ACSF3: variants seen among roughly 807,000 people sequenced by gnomAD.
ACSF3 encodes malonate--CoA ligase ACSF3, mitochondrial.
ACSF3 carries 78 observed loss-of-function variants against 53.2 expected under a neutral mutation model. The ratio of observed to expected loss-of-function variants is 1.47; its 90% CI spans 1.22 to 1.77. The LOEUF is 1.77. Ranked by LOEUF, ACSF3 falls within the 40% of genes most tolerant of loss-of-function variation. The probability of loss-of-function intolerance (pLI) is 0.00; values close to 1 mark genes in which losing one functional copy is unlikely to be tolerated. For synonymous variants in ACSF3, 414 were observed against 333.1 expected, an observed-to-expected ratio of 1.24 and a Z score of -2.65; for missense variants, 937 against 771.1, an observed-to-expected ratio of 1.22 and a Z score of -2.55.
chr16:89,106,077 C>T (rs1211027478), intron 4 of ACSF3, among the ~76,000 whole-genome samples: 1 of 152,220 alleles, frequency 6.6e-6, no homozygotes, highest in Non-Finnish European at 1.5e-5. Flanking sequence ...GCCTTGGGGT[C>T]TGTGTCCCAA....
At position 89,120,933 on chromosome 16, in the gene ACSF3, G is replaced by C. The variant is rs1284590892; in HGVS notation, c.1239+20G>C. ...ACCAAGGTAAGCCACTCTGCTCTTG[G>C]CAGGTGGGCGGCCGTGTGTCCAGTC... is the stretch of plus-strand genomic sequence containing the variant. On this transcript the variant is annotated intron_variant, in intron 7 of 10. Transcript: ENST00000614302. The C allele has an allele frequency of 1.9e-6, 3 of 1,608,680 alleles. No homozygotes were observed. The highest frequency in any genetic ancestry group is 1.7e-5 in the Admixed American group (1 of 59,998).
At chr16:89,120,455 G>C (rs888637130) in intron 6 of ACSF3, among the ~76,000 whole-genome samples, 2 of 152,370 alleles carry the variant, frequency 1.3e-5, no homozygotes, top group African/African-American at 2.4e-5. Flanking sequence ...ACCAGAATCT[G>C]TGGGCAGCTG....
In ACSF3 at chr16:89,155,658, T is replaced by C. The variant is rs1196494643; in HGVS notation, c.*1451T>C. The C allele has an allele frequency of 6.6e-6, 3 of 454,126 alleles. No individual in the cohort carries two copies. The highest frequency in any genetic ancestry group is 4.7e-5 in the Admixed American group (2 of 42,580). 28.1% of individuals were successfully genotyped at this position (454,126 alleles called of 1,614,324 possible). ...ACCCAAGGGAACGGCAGTCAGAGAC[T>C]ACAGTCCAGACGTTTGTGTCTAGGC... On this transcript the variant is annotated 3_prime_UTR_variant, in exon 11 of 11. Coordinates refer to ENST00000614302, the MANE Select transcript of ACSF3 (RefSeq NM_001243279.3).
intron 4 of ACSF3, among the ~76,000 whole-genome samples, chr16:89,106,132 G>A (rs112491046): frequency 0.014 from 2,091 of 152,280 alleles, 44 homozygotes; most frequent in African/African-American, 0.048. Context: ...TCTACCCTGG[G>A]GTCTCTGCCT....
At chr16:89,099,178 C>G (rs1473410626) in intron 2 of ACSF3, among the ~76,000 whole-genome samples, 2 of 152,262 alleles carry the variant, frequency 1.3e-5, no homozygotes. Flanking sequence ...TGCCCCTGGC[C>G]TGTGTCCGCA....
chr16:89,135,295 G>A (rs549282797), intron 8 of ACSF3, among the ~76,000 whole-genome samples: 1 of 152,266 alleles, frequency 6.6e-6, no homozygotes, highest in African/African-American at 2.4e-5. Flanking sequence ...GCTGGAAGGG[G>A]CAATGTTGGC....
At chr16:89,129,774 A>G (rs2048901365) in intron 7 of ACSF3, among the ~76,000 whole-genome samples, 3 of 152,122 alleles carry the variant, frequency 2.0e-5, no homozygotes, top group Admixed American at 6.5e-5. Context: ...ATGTCTTTGC[A>G]TAGTTTTTTT....
intron 1 of ACSF3, 94 bp downstream of exon 1, chr16:89,094,090 C>A (rs1172594487): frequency 1.3e-5 from 2 of 151,364 alleles, no homozygotes; most frequent in Non-Finnish European, 2.9e-5. Context: ...TGGGTCGCAG[C>A]TGGGCTTGAG....
chr16:89,143,699 T>C (rs1912328833), intron 8 of ACSF3, among the ~76,000 whole-genome samples: 1 of 152,080 alleles, frequency 6.6e-6, no homozygotes, highest in African/African-American at 2.4e-5. Flanking sequence ...CCGCCCAGAC[T>C]ACCCCAGGGG....
rs536532984 is a variant in ACSF3 at position 89,121,343 on chromosome 16, C to G, written c.1239+430C>G. Among the ~76,000 whole-genome samples the G allele has an allele frequency of 9.2e-5, 14 of 152,338 alleles. No homozygotes were observed. The South Asian group carries it at 2.7e-3, about 29-fold the overall frequency. ...GGCACCCGTCCTGAGGGGACGCTGA[C>G]CACAGGCCCCCATAGTAGGTGTGGG... On this transcript the variant is annotated intron_variant, in intron 7 of 10. Transcript: ENST00000614302.
chr16:89,120,420 G>T (rs985958550), intron 6 of ACSF3, among the ~76,000 whole-genome samples: 10 of 152,246 alleles, frequency 6.6e-5, no homozygotes, highest in African/African-American at 2.4e-4. Flanking sequence ...TCCCTGGCCA[G>T]CAAGTGTGTA....
chr16:89,117,622 G>A (rs1267208576), intron 6 of ACSF3, among the ~76,000 whole-genome samples: 2 of 151,834 alleles, frequency 1.3e-5, no homozygotes, highest in African/African-American at 4.8e-5. Flanking sequence ...AGCAGCCCAG[G>A]GACCGCCGTC....
chr16:89,125,610 G>C (rs1441873179), intron 7 of ACSF3, among the ~76,000 whole-genome samples: 4 of 152,108 alleles, frequency 2.6e-5, no homozygotes, highest in African/African-American at 9.6e-5. Context: ...AGAATTGTTT[G>C]AGCCTGGGAG....
Position 89,145,442 on chromosome 16 carries a change from G to A in ACSF3, c.1501+41G>A, listed in dbSNP as rs188828813. On this transcript the variant is annotated intron_variant, in intron 9 of 10. Transcript: ENST00000614302. ...TGGGCCAGGGAGGCCAGGCTAGACG[G>A]GTGCTGCCTTCCATGTTTGAGTTTT... is the stretch of plus-strand genomic sequence containing the variant. The A allele has an allele frequency of 7.8e-4, 1,256 of 1,610,638 alleles. 8 individuals carry two copies. In the African/African-American group the frequency reaches 0.015, roughly 19 times the overall value.
intron 1 of ACSF3, among the ~76,000 whole-genome samples, chr16:89,096,358 TTC>T (rs1266855111): frequency 6.6e-6 from 1 of 152,062 alleles, no homozygotes; most frequent in East Asian, 1.9e-4. Flanking sequence ...AAAGGTGAGG[TTC>T]TCTCTGAGGA....
intron 7 of ACSF3, among the ~76,000 whole-genome samples, chr16:89,130,003 C>T (rs981135303): frequency 6.6e-6 from 1 of 152,196 alleles, no homozygotes; most frequent in African/African-American, 2.4e-5. Context: ...AAAAATATTT[C>T]AGAGAACTTG....
At chr16:89,120,536 G>T (rs567294903) in intron 6 of ACSF3, among the ~76,000 whole-genome samples, 1 of 152,266 alleles carries the variant, frequency 6.6e-6, no homozygotes, top group Non-Finnish European at 1.5e-5. Context: ...AGCGTGCCAC[G>T]TGAGTGCCTG....
At chr16:89,106,948 C>T (rs1976058665) in intron 4 of ACSF3, among the ~76,000 whole-genome samples, 2 of 152,250 alleles carry the variant, frequency 1.3e-5, no homozygotes, top group Non-Finnish European at 1.5e-5. Flanking sequence ...AGATCAAAGT[C>T]ACCACTGACG....
At chr16:89,107,298 G>A (rs1313172254) in intron 4 of ACSF3, among the ~76,000 whole-genome samples, 6 of 152,128 alleles carry the variant, frequency 3.9e-5, no homozygotes, top group East Asian at 1.9e-4. Flanking sequence ...AAGAAAGACC[G>A]TCCTTCGTGT....
Sources: gnomAD v4.1 joint callset for allele counts (sites outside exome capture counted in the v4.1 genomes callset) on GRCh38, gnomAD v4.1.1 for gene constraint, MANE v1.5 for transcripts, NCBI Gene and HGNC (gene_info 2026-07-23, HGNC 2026-07-21) for gene names.